TENM3: variants seen among roughly 807,000 people sequenced by gnomAD.
TENM3 encodes the protein teneurin-3.
TENM3 carries 63 observed loss-of-function variants against 255.1 expected under a neutral mutation model. That is an observed-to-expected ratio of 0.25 (90% CI 0.20 to 0.30). The LOEUF is 0.30. Ranked by LOEUF, TENM3 falls within the 10% of genes least tolerant of loss-of-function variation. TENM3 has a pLI of 1.00. For missense variants in TENM3, 2,929 were observed against 3,461.1 expected, an observed-to-expected ratio of 0.85 and a Z score of 3.86; for synonymous variants, 1,306 against 1,322.3, an observed-to-expected ratio of 0.99 and a Z score of 0.27.
chr4:181,682,751 G>A, the TENM3 span, among the ~76,000 whole-genome samples: 1 of 152,086 alleles, frequency 6.6e-6, no homozygotes, highest in African/African-American at 2.4e-5. Context: ...GGGGTGTGTG[G>A]AAGAGGGAAA....
At chr4:182,441,806 G>T (rs1480123260) in intron 3 of TENM3, among the ~76,000 whole-genome samples, 1 of 152,068 alleles carries the variant, frequency 6.6e-6, no homozygotes, top group Admixed American at 6.5e-5. Context: ...GATTATAGGC[G>T]TGAGCCACTG....
chr4:182,491,641 A>G (rs1364434796), intron 3 of TENM3, among the ~76,000 whole-genome samples: 2 of 152,132 alleles, frequency 1.3e-5, no homozygotes, highest in South Asian at 2.1e-4. Context: ...CATTTTTTCC[A>G]GTCTTTTCTT....
chr4:181,513,920 T>C, the TENM3 span, among the ~76,000 whole-genome samples: 1 of 152,366 alleles, frequency 6.6e-6, no homozygotes, highest in African/African-American at 2.4e-5. Context: ...TTTTCTTTTA[T>C]TCCTTTTCCT....
chr4:181,533,137 G>A, the TENM3 span, among the ~76,000 whole-genome samples: 100 of 152,208 alleles, frequency 6.6e-4, no homozygotes, highest in African/African-American at 2.1e-3. Context: ...GGGCAGGACC[G>A]GGAGGGGAAG....
chr4:181,919,500 T>G, the TENM3 span, among the ~76,000 whole-genome samples: 1 of 151,976 alleles, frequency 6.6e-6, no homozygotes, highest in Admixed American at 6.6e-5. Flanking sequence ...CCATTAACTT[T>G]TTACCTGAGA....
the TENM3 span, among the ~76,000 whole-genome samples, chr4:181,883,150 A>G: frequency 3.1e-5 from 1 of 32,034 alleles, no homozygotes; most frequent in Non-Finnish European, 8.5e-5. Flanking sequence ...CTTCTTAATA[A>G]CTGGTTTAGT....
At chr4:181,868,373 G>T in the TENM3 span, among the ~76,000 whole-genome samples, 14 of 151,934 alleles carry the variant, frequency 9.2e-5, no homozygotes, top group Admixed American at 9.2e-4. Flanking sequence ...CTTTTTGAAG[G>T]CCTTAAAAAA....
At chr4:182,580,048 T>C (rs1487174018) in intron 3 of TENM3, among the ~76,000 whole-genome samples, 1 of 152,158 alleles carries the variant, frequency 6.6e-6, no homozygotes, top group Non-Finnish European at 1.5e-5. Flanking sequence ...AAATAGTATA[T>C]AACTAAGGGT....
the TENM3 span, among the ~76,000 whole-genome samples, chr4:182,081,029 T>G: frequency 6.6e-6 from 1 of 152,028 alleles, no homozygotes; most frequent in Non-Finnish European, 1.5e-5. Flanking sequence ...CTGCCTTGCT[T>G]TGCCCCCTTT....
At chr4:182,610,253 C>T (rs551653982) in intron 4 of TENM3, among the ~76,000 whole-genome samples, 1 of 152,292 alleles carries the variant, frequency 6.6e-6, no homozygotes, top group East Asian at 1.9e-4. Context: ...TGAATGCATT[C>T]ATTCATTTAT....
chr4:181,689,633 CTACTG>C, the TENM3 span, among the ~76,000 whole-genome samples: 1 of 152,126 alleles, frequency 6.6e-6, no homozygotes, highest in Admixed American at 6.6e-5. Flanking sequence ...TGATCTTCCT[CTACTG>C]TATTTAAGAA....
chr4:181,559,500 C>T, the TENM3 span, among the ~76,000 whole-genome samples: 4 of 152,074 alleles, frequency 2.6e-5, no homozygotes, highest in African/African-American at 9.7e-5. Context: ...TGATTCTGGG[C>T]AATGTATTAA....
chr4:182,690,844 A>G (rs1026298803), intron 12 of TENM3, among the ~76,000 whole-genome samples: 2 of 152,212 alleles, frequency 1.3e-5, no homozygotes, highest in Non-Finnish European at 2.9e-5. Flanking sequence ...TTATAATTTA[A>G]TAAACCCTGC....
chr4:182,094,685 G>A, the TENM3 span, among the ~76,000 whole-genome samples: 1 of 152,132 alleles, frequency 6.6e-6, no homozygotes, highest in African/African-American at 2.4e-5. Flanking sequence ...GACAATGAAA[G>A]CCACTAGAAA....
intron 3 of TENM3, among the ~76,000 whole-genome samples, chr4:182,356,249 C>T (rs1025176868): frequency 1.6e-4 from 25 of 152,182 alleles, no homozygotes; most frequent in Non-Finnish European, 2.6e-4. Flanking sequence ...TCTGTAGTCC[C>T]GGCACTCAGA....
the TENM3 span, among the ~76,000 whole-genome samples, chr4:182,090,635 A>G: frequency 1.3e-5 from 2 of 152,324 alleles, no homozygotes; most frequent in South Asian, 4.1e-4. Context: ...GTGTACATAT[A>G]TATATGAAAT....
At chr4:182,359,963 T>A (rs904826903) in intron 3 of TENM3, among the ~76,000 whole-genome samples, 3 of 152,082 alleles carry the variant, frequency 2.0e-5, no homozygotes, top group Non-Finnish European at 4.4e-5. Context: ...TATTTCTGCC[T>A]TCATTTCGTT....
intron 5 of TENM3, among the ~76,000 whole-genome samples, chr4:182,644,728 TAAG>T: frequency 6.6e-6 from 1 of 152,194 alleles, no homozygotes; most frequent in Non-Finnish European, 1.5e-5. Context: ...AGAAACATAC[TAAG>T]AGTTTGCAGA....
In TENM3 at chr4:182,789,884, T is replaced by C. The variant is rs1304773525; in HGVS notation, c.5601+495T>C. On this transcript the variant is annotated intron_variant, in intron 25 of 27. Coordinates refer to ENST00000511685, the MANE Select transcript of TENM3 (RefSeq NM_001080477.4). This position sits in a 1 kb window ranked among gnomAD's most constrained non-coding sequence, Gnocchi z 4.4. ...GCGATTTTCTTAGAAAGCCACACTT[T>C]CGGGTACTCTGTGGCATCTTTCCTT... Among the ~76,000 whole-genome samples the C allele has an allele frequency of 1.3e-5, 2 of 152,206 alleles. No individual in the cohort carries two copies. The highest frequency in any genetic ancestry group is 2.9e-5 in the Non-Finnish European group (2 of 68,036).
Sources: allele counts gnomAD v4.1 joint callset (sites outside exome capture counted in the v4.1 genomes callset), GRCh38; gene constraint gnomAD v4.1.1; non-coding constraint Gnocchi (gnomAD v3.1); transcripts MANE v1.5; gene names NCBI Gene and HGNC (gene_info 2026-07-23, HGNC 2026-07-21).